Variants in ADGRF3 observed in about 807,000 individuals in gnomAD.
ADGRF3 encodes the protein G protein-coupled receptor 113.
ADGRF3 carries 85 observed loss-of-function variants against 93.2 expected under a neutral mutation model. That is an observed-to-expected ratio of 0.91 (90% CI 0.77 to 1.09). The LOEUF (loss-of-function observed/expected upper bound fraction) is 1.09. Among genes scored for constraint, ADGRF3 ranks in the 50% least tolerant of loss-of-function variants. ADGRF3 has a pLI of 0.00. For missense variants in ADGRF3, 1,125 were observed against 1,246.2 expected (o/e 0.90, Z 1.46); for synonymous variants, 534 against 532.5 (o/e 1.00, Z -0.04).
At chr2:26,318,382 C>G (rs1033032345) in intron 1 of ADGRF3, among the ~76,000 whole-genome samples, 2 of 151,930 alleles carry the variant, frequency 1.3e-5, no homozygotes, top group African/African-American at 4.8e-5. Flanking sequence ...TCACTTGAGC[C>G]CAGGAGTTCA....
At chr2:26,312,101 C>A in intron 9 of ADGRF3, 27 bp from the exon 10 acceptor site, 1 of 1,576,470 alleles carries the variant, frequency 6.3e-7, no homozygotes, top group South Asian at 1.2e-5. Flanking sequence ...AAAGATGAAC[C>A]CCGTCTGCTG....
At chr2:26,327,538 A>C (rs546577898) in intron 1 of ADGRF3, among the ~76,000 whole-genome samples, 1 of 147,514 alleles carries the variant, frequency 6.8e-6, no homozygotes, top group Admixed American at 6.8e-5. Context: ...ACAGAATACC[A>C]CAGACTGGGT....
chr2:26,314,762 AG>A, intron 5 of ADGRF3, 139 bp from the exon 6 acceptor site: 2 of 707,810 alleles, frequency 2.8e-6, no homozygotes, highest in South Asian at 3.7e-5. Context: ...GCAAGGTCCC[AG>A]GATGGCCCCT....
In ADGRF3 at chr2:26,308,794, A is replaced by T; in HGVS notation, c.*292T>A. On this transcript the variant is annotated 3_prime_UTR_variant, in exon 14 of 14. Transcript: ENST00000651242. ...AGTTAAAAACTGGTTGAGAAAGTTTACTTGTAATTATTCCGCACTTTGATA... is the reference window on the plus strand; with the variant it reads ...AGTTAAAAACTGGTTGAGAAAGTTTTCTTGTAATTATTCCGCACTTTGATA... 1 of 416,166 alleles carries T rather than the reference A, an allele frequency of 2.4e-6. No homozygotes were observed. Among genetic ancestry groups the T allele is most frequent in the Admixed American group, 3.9e-5 (1 of 25,356 alleles). The allele number at this position is 416,166 out of a possible 1,614,324, so 25.8% of individuals were successfully genotyped here.
Position 26,315,503 on chromosome 2 carries a change from G to C in ADGRF3, c.718+19C>G. On this transcript the variant is annotated intron_variant, in intron 5 of 13. Coordinates refer to ENST00000651242, the MANE Select transcript of ADGRF3 (RefSeq NM_001321971.2). Reference sequence around the variant, plus strand: ...TAAGAGGAAGGAGAAAGGAGGCAAGGAGAGGACAGGCTGGCTACCTGCCCA... The same window carrying C: ...TAAGAGGAAGGAGAAAGGAGGCAAGCAGAGGACAGGCTGGCTACCTGCCCA... 3 of 1,545,374 alleles carry C rather than the reference G, an allele frequency of 1.9e-6. No homozygotes were observed. The highest frequency in any genetic ancestry group is 2.6e-6 in the Non-Finnish European group (3 of 1,142,128).
chr2:26,340,944 A>T (rs549947327), intron 1 of ADGRF3, among the ~76,000 whole-genome samples: 1 of 152,242 alleles, frequency 6.6e-6, no homozygotes, highest in Non-Finnish European at 1.5e-5. Context: ...AAATATGTAG[A>T]TGGTCTAAAT....
rs564161854 is a variant in ADGRF3, at chr2:26,311,212, G to T, written c.2312C>A (p.Pro771Gln). ...APFLSPGPRS[P>Q]LCLAAAFLCH... ...GAGGAAGGCGGCAGCAAGGCAGAGC[G>T]GGCTTCGGGGCCCTGGAGAGAGGAA... Residue 771 changes from proline (P) to glutamine (Q), a missense_variant, in exon 10 of 14, where the codon CCG (proline) becomes CAG (glutamine). Pro to Gln is a moderately conservative substitution (Grantham distance 76). Transcript: ENST00000651242. 1 of 1,603,054 alleles carries T rather than the reference G, an allele frequency of 6.2e-7. No homozygotes were observed. The highest frequency in any genetic ancestry group is 2.3e-5 in the East Asian group (1 of 44,316).
At chr2:26,320,674 T>G (rs1295527876) in intron 1 of ADGRF3, among the ~76,000 whole-genome samples, 1 of 152,168 alleles carries the variant, frequency 6.6e-6, no homozygotes, top group African/African-American at 2.4e-5. Flanking sequence ...TAAAAACATG[T>G]ACATAAGAAT....
intron 1 of ADGRF3, among the ~76,000 whole-genome samples, chr2:26,343,045 C>A (rs1676477602): frequency 6.6e-6 from 1 of 152,120 alleles, no homozygotes; most frequent in South Asian, 2.1e-4. Flanking sequence ...ATTATATGTG[C>A]TATACTTTTA....
chr2:26,337,987 C>T (rs1293308801), intron 1 of ADGRF3, among the ~76,000 whole-genome samples: 1 of 152,048 alleles, frequency 6.6e-6, no homozygotes, highest in Non-Finnish European at 1.5e-5. Flanking sequence ...CGTGCCACTG[C>T]CCTCCCAGCC....
chr2:26,339,134 AAAAGC>A (rs1490333293), intron 1 of ADGRF3, among the ~76,000 whole-genome samples: 103 of 150,832 alleles, frequency 6.8e-4, no homozygotes, highest in Admixed American at 1.8e-3. Flanking sequence ...AAAAAAAAAA[AAAAGC>A]AAAGCAAAGA....
Position 26,315,724 on chromosome 2 carries a change from G to T in ADGRF3, c.516C>A (p.Asn172Lys), listed in dbSNP as rs1295577577. 1.7e-5 allele frequency: 27 copies of T among 1,551,314 alleles called. No homozygotes were observed. Among genetic ancestry groups the T allele is most frequent in the Non-Finnish European group, 2.2e-5 (25 of 1,146,976 alleles). The change falls in exon 5 of 14, where the codon AAC becomes AAA. Residue 172 changes from asparagine to lysine, a missense_variant. By Grantham distance (94) the Asn-to-Lys change is moderately conservative (BLOSUM62 0). Coordinates refer to ENST00000651242, the MANE Select transcript of ADGRF3 (RefSeq NM_001321971.2). ...CAGGCATCTGCAGCTGGGAGTTCAG[G>T]TTGAGGATCCCGGGGACTGCAGGGA... The part of the protein sequence containing the change: ...QLLPPVPGIL[N>K]LNSQLQMPGD...
chr2:26,313,314 G>A, intron 8 of ADGRF3, 63 bp downstream of exon 8: 1 of 1,456,608 alleles, frequency 6.9e-7, no homozygotes, highest in South Asian at 1.4e-5. Context: ...CTGCAAGCTG[G>A]GTCCTAGAGA....
At chr2:26,346,063 C>G (rs951093979) in intron 1 of ADGRF3, 58 bp downstream of exon 1, 9 of 1,501,110 alleles carry the variant, frequency 6.0e-6, no homozygotes, top group Non-Finnish European at 8.1e-6. Context: ...CACTGAGAGG[C>G]GGCCGAAGGG....
rs146570895 is a variant in ADGRF3, at chr2:26,314,547, C to T, written c.795G>A (p.Ala265=). ...LYEVVRVPLK[A]TDVARLPYQL... is the part of the protein sequence containing the mutation. ...GGTATGGAAGTCGAGCCACATCTGT[C>T]GCCTTCAAGGGCACCCTCACCACCT... The change falls in exon 6 of 14, where the codon GCG becomes GCA. Residue 265 remains alanine (A), a synonymous_variant. Coordinates refer to ENST00000651242, the MANE Select transcript of ADGRF3 (RefSeq NM_001321971.2). 8.7e-6 allele frequency: 14 copies of T among 1,614,060 alleles called. No homozygotes were observed. The highest frequency in any genetic ancestry group is 1.6e-4 in the Middle Eastern group (1 of 6,062).
intron 1 of ADGRF3, among the ~76,000 whole-genome samples, chr2:26,329,723 A>AT: frequency 6.6e-6 from 1 of 152,262 alleles, no homozygotes; most frequent in Non-Finnish European, 1.5e-5. Context: ...TAACTTTTAC[A>AT]TTTTTGGTTA....
At chr2:26,325,165 A>C (rs1403396006) in intron 1 of ADGRF3, among the ~76,000 whole-genome samples, 4 of 152,176 alleles carry the variant, frequency 2.6e-5, no homozygotes, top group Non-Finnish European at 5.9e-5. Flanking sequence ...AGAAGGGGAA[A>C]TGCACAGCTG....
intron 1 of ADGRF3, among the ~76,000 whole-genome samples, chr2:26,334,982 G>C (rs1462152840): frequency 6.6e-6 from 1 of 151,964 alleles, no homozygotes; most frequent in Non-Finnish European, 1.5e-5. Context: ...TTTGTGCTTT[G>C]CTTTTTTCCT....
At chr2:26,315,816 C>T in intron 4 of ADGRF3, 76 bp from the exon 5 acceptor site, 1 of 1,536,220 alleles carries the variant, frequency 6.5e-7, no homozygotes, top group Non-Finnish European at 8.8e-7. Flanking sequence ...AATGGCTTCT[C>T]CCCTGACTCT....
Sources: allele counts gnomAD v4.1 joint callset (sites outside exome capture counted in the v4.1 genomes callset), GRCh38; gene constraint gnomAD v4.1.1; transcripts MANE v1.5; gene names NCBI Gene and HGNC (gene_info 2026-07-23, HGNC 2026-07-21).